The following CSMD1 variants were observed in gnomAD, a reference collection of about 807,000 sequenced individuals.
The protein encoded by CSMD1 is CUB and sushi domain-containing protein 1.
CSMD1 carries 213 observed loss-of-function variants against 417.5 expected under a neutral mutation model. That is an observed-to-expected ratio of 0.51 (90% CI 0.46 to 0.57). CSMD1 has a LOEUF of 0.57. Among genes scored for constraint, CSMD1 ranks in the 20% least tolerant of loss-of-function variants. The pLI, the probability that CSMD1 is intolerant of heterozygous loss-of-function variation, is 0.00. For synonymous variants in CSMD1, 2,862 were observed against 1,736.8 expected (o/e 1.65, Z -16.11); for missense variants, 6,923 against 4,529.7 (o/e 1.53, Z -15.17).
chr8:4,178,388 T>G (rs1240531028), intron 3 of CSMD1, among the ~76,000 whole-genome samples: 1 of 150,706 alleles, frequency 6.6e-6, no homozygotes, highest in Non-Finnish European at 1.5e-5. Flanking sequence ...CAACCCTTCA[T>G]GCTAAAAACT....
chr8:3,310,506 A>T (rs1805246729), intron 23 of CSMD1, among the ~76,000 whole-genome samples: 1 of 152,186 alleles, frequency 6.6e-6, no homozygotes, highest in South Asian at 2.1e-4. Context: ...AATAACAAAC[A>T]ATCTTCCAAA....
intron 1 of CSMD1, among the ~76,000 whole-genome samples, chr8:4,663,142 G>A (rs1804706627): frequency 1.3e-5 from 2 of 152,144 alleles, no homozygotes; most frequent in Admixed American, 1.3e-4. Context: ...AGGGATCTGT[G>A]TCATTTCCTC....
rs1174986860 is a variant in CSMD1 at position 4,177,177 on chromosome 8, G to A, written c.416-145078C>T. 2.6e-5 allele frequency among the ~76,000 whole-genome samples: 4 copies of A among 152,188 alleles called. No individual in the cohort carries two copies. In the Middle Eastern group the frequency reaches 0.014, roughly 518 times the overall value. Reference sequence around the variant, plus strand: ...TATTCCAAAATTGACCACATAGCTGGAAGTAAAGCTCTCCTCAGCAAATGT... The same window carrying A: ...TATTCCAAAATTGACCACATAGCTGAAAGTAAAGCTCTCCTCAGCAAATGT... On this transcript the variant is annotated intron_variant, in intron 3 of 69. Transcript: ENST00000635120.
intron 3 of CSMD1, among the ~76,000 whole-genome samples, chr8:4,050,722 G>A (rs527377586): frequency 3.9e-5 from 6 of 152,120 alleles, no homozygotes; most frequent in African/African-American, 9.6e-5. Flanking sequence ...ACTATTTAGT[G>A]AGTAAATGAA....
intron 3 of CSMD1, among the ~76,000 whole-genome samples, chr8:4,220,454 T>C (rs953581523): frequency 1.3e-5 from 2 of 152,226 alleles, no homozygotes; most frequent in African/African-American, 4.8e-5. Flanking sequence ...GTCAGGGCAG[T>C]GAGAAGACCT....
At chr8:3,130,103 T>C (rs1367572146) in intron 41 of CSMD1, among the ~76,000 whole-genome samples, 15 of 152,240 alleles carry the variant, frequency 9.9e-5, no homozygotes, top group Non-Finnish European at 1.5e-5. Context: ...TAATGGTTTA[T>C]GGCATATAAT....
At chr8:4,815,325 G>A (rs1442832358) in intron 1 of CSMD1, among the ~76,000 whole-genome samples, 1 of 152,144 alleles carries the variant, frequency 6.6e-6, no homozygotes, top group African/African-American at 2.4e-5. Context: ...TTAGGCAAAA[G>A]GTATGACATC....
At chr8:4,460,257 A>G (rs1378592126) in intron 2 of CSMD1, among the ~76,000 whole-genome samples, 1 of 152,222 alleles carries the variant, frequency 6.6e-6, no homozygotes, top group East Asian at 1.9e-4. Context: ...AGTTAAAGAA[A>G]TCACTAGGGA....
chr8:4,355,181 G>C (rs1204877118), intron 3 of CSMD1, among the ~76,000 whole-genome samples: 1 of 151,974 alleles, frequency 6.6e-6, no homozygotes, highest in Non-Finnish European at 1.5e-5. Context: ...AGAATGGCGT[G>C]AACCTGGGAG....
At chr8:4,897,035 A>T (rs73505847) in intron 1 of CSMD1, among the ~76,000 whole-genome samples, 5,098 of 152,110 alleles carry the variant, frequency 0.034, 136 homozygotes, top group African/African-American at 0.055. Context: ...CAGTTTTATC[A>T]ATGTTTTAAA....
chr8:3,948,420 G>A (rs1370879177), intron 5 of CSMD1, among the ~76,000 whole-genome samples: 6 of 152,096 alleles, frequency 3.9e-5, no homozygotes, highest in African/African-American at 1.2e-4. Context: ...AAAAATAGGG[G>A]AAAGACGTTA....
At chr8:3,049,426 T>C (rs1030876212) in intron 50 of CSMD1, among the ~76,000 whole-genome samples, 2 of 152,088 alleles carry the variant, frequency 1.3e-5, no homozygotes, top group Non-Finnish European at 2.9e-5. Context: ...GCTAGAGCCA[T>C]GCAAAATCAT....
chr8:3,108,500 GC>G (rs1319110526), intron 44 of CSMD1, 102 bp downstream of exon 44: 94 of 1,240,404 alleles, frequency 7.6e-5, no homozygotes, highest in Non-Finnish European at 1.0e-4. Flanking sequence ...CACGCCCTCG[GC>G]TGAATCAAGA....
chr8:4,897,119 A>G (rs990395460), intron 1 of CSMD1, among the ~76,000 whole-genome samples: 3 of 152,010 alleles, frequency 2.0e-5, no homozygotes, highest in African/African-American at 7.3e-5. Context: ...TATTTTATTT[A>G]AATGAATTTA....
At chr8:4,174,160 C>T (rs1670711422) in intron 3 of CSMD1, among the ~76,000 whole-genome samples, 2 of 152,064 alleles carry the variant, frequency 1.3e-5, no homozygotes, top group South Asian at 4.1e-4. Context: ...CTCGTGGCTG[C>T]CCCTAGAGGA....
intron 3 of CSMD1, among the ~76,000 whole-genome samples, chr8:4,388,544 G>C (rs1563121643): frequency 6.6e-6 from 1 of 150,788 alleles, no homozygotes. Flanking sequence ...GGATTTTGGG[G>C]ACTGAGGGGG....
chr8:4,425,381 A>C (rs1797489496), intron 2 of CSMD1, among the ~76,000 whole-genome samples: 1 of 37,676 alleles, frequency 2.7e-5, no homozygotes, highest in African/African-American at 1.2e-4. Context: ...TTGTGTGCCA[A>C]AAAAAAAAAA....
At chr8:3,682,263 A>T (rs557513338) in intron 7 of CSMD1, among the ~76,000 whole-genome samples, 2 of 152,192 alleles carry the variant, frequency 1.3e-5, no homozygotes, top group Non-Finnish European at 2.9e-5. Flanking sequence ...CAACCTAAAA[A>T]ATGGGATAAA....
At chr8:4,078,599 G>A (rs1018460015) in intron 3 of CSMD1, among the ~76,000 whole-genome samples, 2 of 149,426 alleles carry the variant, frequency 1.3e-5, no homozygotes, top group African/African-American at 4.9e-5. Context: ...TCTTCGTTAT[G>A]AAATATAATT....
Sources: allele counts gnomAD v4.1 joint callset (sites outside exome capture counted in the v4.1 genomes callset), GRCh38; gene constraint gnomAD v4.1.1; transcripts MANE v1.5; gene names NCBI Gene and HGNC (gene_info 2026-07-23, HGNC 2026-07-21).